Variants in TVP23A observed in about 807,000 individuals in gnomAD.
TVP23A encodes the protein Golgi apparatus membrane protein TVP23 homolog A.
Under a neutral mutation model 31.7 loss-of-function variants are expected in TVP23A, and 21 were observed. The ratio of observed to expected loss-of-function variants is 0.66; its 90% confidence interval spans 0.47 to 0.95. The LOEUF is 0.95. Among genes scored for constraint, TVP23A ranks in the 40% least tolerant of loss-of-function variants. The pLI is 0.00. For missense variants in TVP23A, 279 were observed against 255.6 expected, an observed-to-expected ratio of 1.09 and a Z score of -0.62; for synonymous variants, 104 against 96.0, an observed-to-expected ratio of 1.08 and a Z score of -0.49.
At chr16:10,766,628 T>G (rs2030916954), downstream of TVP23A, 1 of 218,346 alleles carries the variant, frequency 4.6e-6, no homozygotes, top group Admixed American at 5.9e-5. The surrounding 1 kb of genome is among the most constrained non-coding windows in gnomAD (Gnocchi z 4.8). Context: ...GCGGAGGATG[T>G]CCAGGTTCTT....
intron 2 of TVP23A, among the ~76,000 whole-genome samples, chr16:10,781,526 A>G (rs1200586704): frequency 6.6e-6 from 1 of 152,166 alleles, no homozygotes; most frequent in Non-Finnish European, 1.5e-5. Flanking sequence ...AGGGAAGCAC[A>G]GTAGATTCTC....
chr16:10,800,517 T>G (rs1467314005), intron 2 of TVP23A, among the ~76,000 whole-genome samples: 1 of 152,218 alleles, frequency 6.6e-6, no homozygotes, highest in African/African-American at 2.4e-5. Context: ...TATGGCATTC[T>G]AGAAACTATG....
downstream of TVP23A, among the ~76,000 whole-genome samples, chr16:10,765,877 G>A (rs746231995): frequency 2.6e-5 from 4 of 152,228 alleles, no homozygotes; most frequent in Non-Finnish European, 4.4e-5. The surrounding 1 kb of genome is among the most constrained non-coding windows in gnomAD (Gnocchi z 4.0). Context: ...GCACATTGCA[G>A]AAGCTCACCT....
At chr16:10,815,438 A>G (rs1440836297) in intron 2 of TVP23A, among the ~76,000 whole-genome samples, 1 of 152,116 alleles carries the variant, frequency 6.6e-6, no homozygotes, top group Non-Finnish European at 1.5e-5. Flanking sequence ...AAAACAAAAC[A>G]AAAATACTGA....
At position 10,767,017 on chromosome 16, in the gene TVP23A, C is replaced by T; in HGVS notation, c.*2085G>A. The stretch of plus-strand genomic sequence containing the variant: ...AGGCTTCTTCCCCGACTTGGACTTC[C>T]CTGTCCCACAGGGCGACACAGTAGT... On this transcript the variant is annotated 3_prime_UTR_variant, in exon 8 of 8. Coordinates refer to ENST00000299866, the MANE Select transcript of TVP23A (RefSeq NM_001079512.4). This position sits in a 1 kb window ranked among gnomAD's most constrained non-coding sequence, Gnocchi z 4.6. 1 of 398,758 alleles carries T rather than the reference C, an allele frequency of 2.5e-6. No homozygotes were observed. Among genetic ancestry groups the T allele is most frequent in the Non-Finnish European group, 4.4e-6 (1 of 226,182 alleles). 24.7% of individuals were successfully genotyped at this position (398,758 alleles called of 1,614,324 possible).
chr16:10,812,660 A>G (rs2143006168), intron 2 of TVP23A, among the ~76,000 whole-genome samples: 1 of 152,300 alleles, frequency 6.6e-6, no homozygotes, highest in South Asian at 2.1e-4. Flanking sequence ...AAAAGGACAA[A>G]TACTGTATGA....
downstream of TVP23A, among the ~76,000 whole-genome samples, chr16:10,758,530 A>G (rs1900726968): frequency 6.6e-6 from 1 of 152,178 alleles, no homozygotes; most frequent in Non-Finnish European, 1.5e-5. Flanking sequence ...GCTGACAACC[A>G]TTCAACGATT....
At position 10,778,694 on chromosome 16, in the gene TVP23A, G is replaced by A. The variant is rs140789421; in HGVS notation, c.90-3598C>T. ...AAAAAAAAGATAGAGGGTCGGGCGC[G>A]GTGGCCCATGCCTATAATCCCAGCA... On this transcript the variant is annotated intron_variant, in intron 2 of 7. Coordinates refer to ENST00000299866, the MANE Select transcript of TVP23A (RefSeq NM_001079512.4). Among the ~76,000 whole-genome samples, 321 of 151,626 alleles carry A rather than the reference G, an allele frequency of 2.1e-3. 1 individual carries two copies. Among genetic ancestry groups the A allele is most frequent in the African/African-American group, 7.2e-3 (297 of 41,364 alleles).
chr16:10,760,797 T>G (rs1005760300), downstream of TVP23A: 3 of 152,398 alleles, frequency 2.0e-5, no homozygotes, highest in African/African-American at 4.8e-5. Flanking sequence ...GGGAAGTAAA[T>G]AGCACCTCGA....
At position 10,773,898 on chromosome 16, in the gene TVP23A, A is replaced by G. The variant is rs190571342; in HGVS notation, c.324+141T>C. 39 of 679,444 alleles carry G rather than the reference A, an allele frequency of 5.7e-5. 1 individual carries two copies. The East Asian group carries it at 7.7e-4, about 13-fold the overall frequency. 42.1% of individuals were successfully genotyped at this position (679,444 alleles called of 1,614,324 possible). On this transcript the variant is annotated intron_variant, in intron 4 of 7. Transcript: ENST00000299866. ...TTTTGGAGACACTTTTGCCACACCC[A>G]TGTTTCACCAGAGCACCTTGGCAAT... is the stretch of plus-strand genomic sequence containing the variant.
At chr16:10,791,221 G>A (rs1004814818) in intron 2 of TVP23A, among the ~76,000 whole-genome samples, 1 of 152,034 alleles carries the variant, frequency 6.6e-6, no homozygotes, top group African/African-American at 2.4e-5. Context: ...GACCAGTAAC[G>A]CTCTTTTTGG....
chr16:10,812,321 G>A (rs2143005860), intron 2 of TVP23A, among the ~76,000 whole-genome samples: 1 of 152,296 alleles, frequency 6.6e-6, no homozygotes, highest in South Asian at 2.1e-4. Context: ...ATTGTAAAAT[G>A]GTGTAACTGA....
At chr16:10,806,237 G>C (rs1259596288) in intron 2 of TVP23A, among the ~76,000 whole-genome samples, 1 of 152,154 alleles carries the variant, frequency 6.6e-6, no homozygotes, top group African/African-American at 2.4e-5. Flanking sequence ...CAGCTACTCA[G>C]AAGACTGAAG....
chr16:10,803,223 G>A (rs948858255), intron 2 of TVP23A, among the ~76,000 whole-genome samples: 2 of 149,676 alleles, frequency 1.3e-5, no homozygotes, highest in African/African-American at 5.0e-5. Flanking sequence ...GGCGGAGGTT[G>A]CAGTGAGCCG....
rs1165810577 is a variant in TVP23A, at chr16:10,779,710, G to A, written c.90-4614C>T. Among the ~76,000 whole-genome samples, 4 of 152,160 alleles carry A rather than the reference G, an allele frequency of 2.6e-5. No individual in the cohort carries two copies. Among genetic ancestry groups the A allele is most frequent in the Admixed American group, 1.3e-4 (2 of 15,280 alleles). Reference sequence around the variant, plus strand: ...ACAGGGAGAAGACCTAGAAAATATCGCCAGGCCAACTTAAAATTACCAAGT... The same window carrying A: ...ACAGGGAGAAGACCTAGAAAATATCACCAGGCCAACTTAAAATTACCAAGT... On this transcript the variant is annotated intron_variant, in intron 2 of 7. Transcript: ENST00000299866. The surrounding 1 kb of genome is among the most constrained non-coding windows in gnomAD (Gnocchi z 4.9).
At chr16:10,814,872 CTGCAGGG>C (rs2034365634) in intron 2 of TVP23A, among the ~76,000 whole-genome samples, 1 of 151,898 alleles carries the variant, frequency 6.6e-6, no homozygotes, top group Non-Finnish European at 1.5e-5. Flanking sequence ...TTGCTAAGTG[CTGCAGGG>C]TCTGGCCCCG....
At chr16:10,800,030 T>TTTTC (rs1407349321) in intron 2 of TVP23A, among the ~76,000 whole-genome samples, 88 of 137,654 alleles carry the variant, frequency 6.4e-4, no homozygotes, top group African/African-American at 2.3e-3. Context: ...TTTTTTTTTT[T>TTTTC]TCGCACTGGC....
chr16:10,810,648 C>T (rs576596813), intron 2 of TVP23A, among the ~76,000 whole-genome samples: 2 of 152,166 alleles, frequency 1.3e-5, no homozygotes, highest in African/African-American at 4.8e-5. Context: ...AATACGACAA[C>T]AAAGAAAGGA....
At chr16:10,806,867 G>C (rs1379577555) in intron 2 of TVP23A, among the ~76,000 whole-genome samples, 2 of 152,176 alleles carry the variant, frequency 1.3e-5, no homozygotes, top group Non-Finnish European at 2.9e-5. Flanking sequence ...ATATAAATAA[G>C]AGGAAGTTAA....
Sources: allele counts gnomAD v4.1 joint callset (sites outside exome capture counted in the v4.1 genomes callset), GRCh38; gene constraint gnomAD v4.1.1; non-coding constraint Gnocchi (gnomAD v3.1); transcripts MANE v1.5; gene names NCBI Gene and HGNC (gene_info 2026-07-23, HGNC 2026-07-21).